Variants in PLB1 observed in about 807,000 individuals in gnomAD.
The protein encoded by PLB1 is phospholipase B1.
A neutral mutation model predicts 227.4 loss-of-function variants in PLB1; 242 were observed. The observed-to-expected ratio is 1.06, with a 90% CI of 0.96 to 1.18. The LOEUF is 1.18. Among genes scored for constraint, PLB1 ranks in the 50% most tolerant of loss-of-function variants. The probability of loss-of-function intolerance (pLI) is 0.00; values close to 1 mark genes in which losing one functional copy is unlikely to be tolerated. For missense variants in PLB1, 1,858 were observed against 1,816.3 expected (o/e 1.02, Z -0.42); for synonymous variants, 757 against 682.2 (o/e 1.11, Z -1.71).
rs1269316411 is a variant in PLB1 at position 28,544,362 on chromosome 2, G to A, written c.936+1094G>A. On this transcript the variant is annotated intron_variant, in intron 14 of 57. Transcript: ENST00000327757. ...CCTCCAGCAGGGACTGCTCTCCCAA[G>A]CCCTCTCTCAGGGAGAGGAGGGCTG... Among the ~76,000 whole-genome samples, 7 of 152,230 alleles carry A rather than the reference G, an allele frequency of 4.6e-5. No individual in the cohort carries two copies. In the East Asian group the frequency reaches 1.3e-3, roughly 29 times the overall value.
chr2:28,631,637 T>C (rs558086950), intron 54 of PLB1, among the ~76,000 whole-genome samples: 1 of 152,334 alleles, frequency 6.6e-6, no homozygotes, highest in East Asian at 1.9e-4. Context: ...GCTCCCCATC[T>C]GACCTGCAGC....
chr2:28,612,797 A>G (rs1432541870), intron 43 of PLB1, among the ~76,000 whole-genome samples: 4 of 97,468 alleles, frequency 4.1e-5, no homozygotes, highest in Admixed American at 2.1e-4. Context: ...TTGTATTTTT[A>G]GTAGAGACAG....
At chr2:28,604,513 C>T in intron 40 of PLB1, 142 bp from the exon 41 acceptor site, 1 of 608,072 alleles carries the variant, frequency 1.6e-6, no homozygotes, top group Non-Finnish European at 2.9e-6. Context: ...GACTTGCCCT[C>T]AGGTGATTTG....
At chr2:28,509,776 C>T (rs1668024239) in intron 1 of PLB1, among the ~76,000 whole-genome samples, 1 of 152,148 alleles carries the variant, frequency 6.6e-6, no homozygotes, top group Non-Finnish European at 1.5e-5. Context: ...GGGGAGAGTT[C>T]CCTTGGGATT....
intron 56 of PLB1, among the ~76,000 whole-genome samples, chr2:28,633,591 C>T (rs11889265): frequency 0.14 from 20,570 of 152,220 alleles, 3,574 homozygotes; most frequent in African/African-American, 0.41. Context: ...GCCTGTTTTC[C>T]GAGGCTGATA....
intron 33 of PLB1, chr2:28,594,088 A>T (rs750860717): frequency 1.6e-6 from 1 of 616,200 alleles, no homozygotes; most frequent in Non-Finnish European, 3.2e-6. Context: ...ATACGTGTAC[A>T]CGTGGTGTTC....
intron 13 of PLB1, among the ~76,000 whole-genome samples, chr2:28,542,534 C>T (rs577993033): frequency 2.8e-4 from 42 of 152,236 alleles, no homozygotes; most frequent in Non-Finnish European, 4.6e-4. Context: ...GAGTGGCATC[C>T]GGTGCTGGGG....
intron 17 of PLB1, among the ~76,000 whole-genome samples, chr2:28,560,064 G>T (rs889728918): frequency 3.9e-5 from 6 of 151,998 alleles, no homozygotes; most frequent in Non-Finnish European, 7.4e-5. Context: ...AACTGTCTTT[G>T]GCAAAGAAGG....
chr2:28,531,850 G>A (rs72860589), intron 8 of PLB1, among the ~76,000 whole-genome samples: 4,070 of 151,950 alleles, frequency 0.027, 179 homozygotes, highest in African/African-American at 0.094. Context: ...ACTATATTTG[G>A]GGAAATGAAA....
intron 9 of PLB1, among the ~76,000 whole-genome samples, chr2:28,537,889 A>G (rs888147457): frequency 2.0e-5 from 3 of 152,136 alleles, no homozygotes; most frequent in Admixed American, 1.3e-4. Flanking sequence ...GAAGGTTCCG[A>G]GGCCCATCTG....
chr2:28,601,076 G>T (rs1683798059), intron 36 of PLB1, among the ~76,000 whole-genome samples, 176 bp from the exon 37 acceptor site: 1 of 152,150 alleles, frequency 6.6e-6, no homozygotes, highest in Non-Finnish European at 1.5e-5. Flanking sequence ...AATCCCTCCT[G>T]ATGCTAAGAG....
chr2:28,525,324 C>T lies in PLB1; in HGVS notation c.284+17C>T, dbSNP rs774480924. 1.9e-6 allele frequency: 3 copies of T among 1,612,262 alleles called. No homozygotes were observed. Among genetic ancestry groups the T allele is most frequent in the East Asian group, 2.2e-5 (1 of 44,886 alleles). On this transcript the variant is annotated intron_variant, in intron 5 of 57. Coordinates refer to ENST00000327757, the MANE Select transcript of PLB1 (RefSeq NM_153021.5). Reference sequence around the variant, plus strand: ...GCAAGACTGGTAACTATCCTGAAAACACAGAAAACAGAAAGGAGCCCGGAG... The same window carrying T: ...GCAAGACTGGTAACTATCCTGAAAATACAGAAAACAGAAAGGAGCCCGGAG...
At chr2:28,526,065 A>G in intron 6 of PLB1, 120 bp downstream of exon 6, 1 of 1,135,388 alleles carries the variant, frequency 8.8e-7, no homozygotes, top group Non-Finnish European at 1.3e-6. Context: ...GCCCAGGAGA[A>G]AGGGGACGGT....
chr2:28,583,780 GT>G (rs1680455663), intron 25 of PLB1, among the ~76,000 whole-genome samples: 1 of 151,662 alleles, frequency 6.6e-6, no homozygotes, highest in Non-Finnish European at 1.5e-5. Context: ...TACTCACCTA[GT>G]TTTTGCTCAT....
chr2:28,565,734 T>C (rs551949176), intron 19 of PLB1, among the ~76,000 whole-genome samples: 3 of 152,210 alleles, frequency 2.0e-5, no homozygotes, highest in Non-Finnish European at 4.4e-5. Context: ...GGATGTAACC[T>C]TGGGCAAGTT....
At chr2:28,514,818 G>A (rs73922131) in intron 1 of PLB1, among the ~76,000 whole-genome samples, 4 of 152,054 alleles carry the variant, frequency 2.6e-5, no homozygotes, top group Admixed American at 6.5e-5. Context: ...CCATTTGCTA[G>A]CAATGTCATC....
rs771780372 is a variant in PLB1, at chr2:28,578,163, G to A, written c.1485+5G>A. ...GACCTGATGAAGAATGACACGGTGG[G>A]TCCCTGGGATGGGAAGTAGGCAGGA... On this transcript the variant is annotated splice_donor_5th_base_variant and intron_variant, in intron 22 of 57. Coordinates refer to ENST00000327757, the MANE Select transcript of PLB1 (RefSeq NM_153021.5). The A allele has an allele frequency of 8.1e-6, 13 of 1,613,828 alleles. No homozygotes were observed. The South Asian group carries it at 8.8e-5, about 11-fold the overall frequency.
intron 26 of PLB1, 107 bp downstream of exon 26, chr2:28,585,949 T>A: frequency 1.0e-6 from 1 of 990,584 alleles, no homozygotes; most frequent in South Asian, 1.3e-5. Context: ...GTGTGGGGGA[T>A]GACCACTGAC....
chr2:28,565,402 AGGGAAGCCCCC>A, intron 19 of PLB1, 49 bp downstream of exon 19: 2 of 1,527,996 alleles, frequency 1.3e-6, no homozygotes, highest in Non-Finnish European at 1.8e-6. Flanking sequence ...TTGCAGAGCA[AGGGAAGCCCCC>A]TGAGTGTTCT....
Sources: gnomAD v4.1 joint callset for allele counts (sites outside exome capture counted in the v4.1 genomes callset) on GRCh38, gnomAD v4.1.1 for gene constraint, MANE v1.5 for transcripts, NCBI Gene and HGNC (gene_info 2026-07-23, HGNC 2026-07-21) for gene names.